The following ATP12A variants were observed in gnomAD, a reference collection of about 807,000 sequenced individuals.
The protein encoded by ATP12A is potassium-transporting ATPase alpha chain 2.
ATP12A carries 81 observed loss-of-function variants against 111.2 expected under a neutral mutation model. That is an observed-to-expected ratio of 0.73 (90% confidence interval 0.61 to 0.88). ATP12A has a LOEUF of 0.88. Ranked by LOEUF, ATP12A falls within the 40% of genes least tolerant of loss-of-function variation. The pLI is 0.00. For missense variants in ATP12A, 1,196 were observed against 1,313.1 expected (o/e 0.91, Z 1.38); for synonymous variants, 498 against 499.8 (o/e 1.00, Z 0.05).
At chr13:24,702,720 C>T (rs1875449115) in intron 14 of ATP12A, among the ~76,000 whole-genome samples, 2 of 152,210 alleles carry the variant, frequency 1.3e-5, no homozygotes, top group South Asian at 4.1e-4. Flanking sequence ...CCTGGAACTA[C>T]AGTAGCAAAC....
At chr13:24,680,806 G>C (rs1187286728) in intron 1 of ATP12A, 54 bp downstream of exon 1, 6 of 1,454,828 alleles carry the variant, frequency 4.1e-6, no homozygotes, top group East Asian at 5.9e-5. Flanking sequence ...CCAAGGCCCC[G>C]GGGACCGGAG....
chr13:24,692,996 G>A, intron 10 of ATP12A, 100 bp downstream of exon 10: 1 of 1,140,430 alleles, frequency 8.8e-7, no homozygotes, highest in Non-Finnish European at 1.3e-6. Flanking sequence ...GTTGCTTAAA[G>A]TTTGTTCAGT....
At chr13:24,706,652 C>A (rs1203229622) in intron 15 of ATP12A, among the ~76,000 whole-genome samples, 189 bp downstream of exon 15, 3 of 152,232 alleles carry the variant, frequency 2.0e-5, no homozygotes, top group Admixed American at 6.5e-5. Flanking sequence ...GAGACCCCCA[C>A]CACATGTTCC....
chr13:24,683,763 G>T (rs1357858191), intron 2 of ATP12A, among the ~76,000 whole-genome samples: 1 of 151,984 alleles, frequency 6.6e-6, no homozygotes, highest in Non-Finnish European at 1.5e-5. Flanking sequence ...GATAAAACAG[G>T]GAAAAGACAG....
chr13:24,705,977 A>G (rs1175423622), intron 14 of ATP12A, among the ~76,000 whole-genome samples: 1 of 152,160 alleles, frequency 6.6e-6, no homozygotes, highest in African/African-American at 2.4e-5. Context: ...TTGGCCATGA[A>G]TGGGCAGTTT....
chr13:24,694,303 T>C, intron 10 of ATP12A, 141 bp from the exon 11 acceptor site: 3 of 1,090,802 alleles, frequency 2.8e-6, no homozygotes, highest in Non-Finnish European at 4.0e-6. Context: ...TACCACGGTC[T>C]TGCGGCCCTC....
At chr13:24,704,576 C>G (rs180747969) in intron 14 of ATP12A, 1 of 158,244 alleles carries the variant, frequency 6.3e-6, no homozygotes, top group Non-Finnish European at 1.4e-5. Flanking sequence ...TGCCAATTTG[C>G]TGGCCCGTAT....
intron 2 of ATP12A, among the ~76,000 whole-genome samples, chr13:24,682,166 G>A (rs62648239): frequency 0.11 from 12,484 of 113,018 alleles, 1,029 homozygotes; most frequent in African/African-American, 0.15. Context: ...TGTGGTGTGT[G>A]TATGTGTGTG....
intron 8 of ATP12A, among the ~76,000 whole-genome samples, chr13:24,691,623 C>T (rs987095713): frequency 7.0e-6 from 1 of 143,486 alleles, no homozygotes; most frequent in African/African-American, 2.6e-5. Flanking sequence ...CCACACTCCA[C>T]TTACCTCTCT....
intron 17 of ATP12A, among the ~76,000 whole-genome samples, chr13:24,708,249 A>G: frequency 6.6e-6 from 1 of 152,130 alleles, no homozygotes; most frequent in East Asian, 1.9e-4. Flanking sequence ...CCCCTTTTCC[A>G]GTATCCATTT....
At chr13:24,694,192 A>G (rs1217530307) in intron 10 of ATP12A, among the ~76,000 whole-genome samples, 5 of 152,132 alleles carry the variant, frequency 3.3e-5, no homozygotes, top group African/African-American at 9.7e-5. Flanking sequence ...ATCAAGATCT[A>G]GTTCGTAGCT....
chr13:24,692,602 G>A lies in ATP12A; in HGVS notation c.1242G>A (p.Val414=), dbSNP rs1455382496. 6.2e-7 allele frequency: 1 copy of A among 1,613,836 alleles called. No homozygotes were observed. Among genetic ancestry groups the A allele is most frequent in the Non-Finnish European group, 8.5e-7 (1 of 1,179,854 alleles). ...TGTGGTTCGACAATCAGATCTTTGT[G>A]GCTGACACCAGTGAGGACCATTCAA... ...AHLWFDNQIF[V]ADTSEDHSNQ... The change falls in exon 9 of 23, where the codon GTG becomes GTA. Residue 414 remains valine (V), a synonymous_variant. Transcript: ENST00000381946.
chr13:24,689,131 A>G, intron 4 of ATP12A, 131 bp from the exon 5 acceptor site: 1 of 731,766 alleles, frequency 1.4e-6, no homozygotes, highest in South Asian at 1.7e-5. Context: ...AACATGGGCG[A>G]ATTCCATGGC....
chr13:24,680,430 C>A lies in ATP12A; in HGVS notation c.-314C>A, dbSNP rs1041252397. ...GTCCTCAATCCTGGACTCTCCCGAC[C>A]CCTAGCTGTCGGTCCCCCTCCCTGC... On this transcript the variant is annotated 5_prime_UTR_variant, in exon 1 of 23. Coordinates refer to ENST00000381946, the MANE Select transcript of ATP12A (RefSeq NM_001676.7). 1.5e-5 allele frequency: 6 copies of A among 395,414 alleles called. No individual in the cohort carries two copies. In the East Asian group the frequency reaches 2.4e-4, roughly 16 times the overall value. The allele number at this position is 395,414 out of a possible 1,614,324, so 24.5% of individuals were successfully genotyped here.
At chr13:24,683,157 C>T (rs1006007400) in intron 2 of ATP12A, among the ~76,000 whole-genome samples, 3 of 152,108 alleles carry the variant, frequency 2.0e-5, no homozygotes, top group Admixed American at 6.5e-5. Context: ...GGGGTTTCCC[C>T]ATGTTGGCCA....
At chr13:24,690,570 C>T in intron 6 of ATP12A, 34 bp from the exon 7 acceptor site, 1 of 1,603,116 alleles carries the variant, frequency 6.2e-7, no homozygotes, top group Non-Finnish European at 8.5e-7. Flanking sequence ...GAATGAGGTA[C>T]CCAGCTGTGA....
intron 21 of ATP12A, 21 bp from the exon 22 acceptor site, chr13:24,711,297 T>C: frequency 6.3e-7 from 1 of 1,578,132 alleles, no homozygotes; most frequent in Non-Finnish European, 8.6e-7. Flanking sequence ...CAGGGTTCAC[T>C]TTCCATCCCT....
At position 24,711,696 on chromosome 13, in the gene ATP12A, C is replaced by T. The variant is rs1875982173; in HGVS notation, c.*174C>T. On this transcript the variant is annotated 3_prime_UTR_variant, in exon 23 of 23. Transcript: ENST00000381946. ...CTCACTGATGTTTTGCACTTTAAAA[C>T]TGAAATTCAACTCTTTATATAGGAT... The T allele has an allele frequency of 1.3e-6, 1 of 796,314 alleles. No individual in the cohort carries two copies. The highest frequency in any genetic ancestry group is 1.7e-5 in the African/African-American group (1 of 57,432). The allele number at this position is 796,314 out of a possible 1,614,324, so 49.3% of individuals were successfully genotyped here. A position where few individuals can be genotyped will look rare whatever the true frequency, so the allele number is the denominator to read the frequency against.
At chr13:24,681,486 A>G in intron 1 of ATP12A, 76 bp from the exon 2 acceptor site, 3 of 1,526,718 alleles carry the variant, frequency 2.0e-6, no homozygotes, top group Non-Finnish European at 2.7e-6. Context: ...GCAGGTCCTG[A>G]CCCCGCAGAG....
Sources: gnomAD v4.1 joint callset for allele counts (sites outside exome capture counted in the v4.1 genomes callset) on GRCh38, gnomAD v4.1.1 for gene constraint, MANE v1.5 for transcripts, NCBI Gene and HGNC (gene_info 2026-07-23, HGNC 2026-07-21) for gene names.